Variants in PAXX observed in about 807,000 individuals in gnomAD.
PAXX encodes the protein protein PAXX.
PAXX carries 27 observed loss-of-function variants against 25.6 expected under a neutral mutation model. The observed-to-expected ratio is 1.06, with a 90% CI of 0.78 to 1.46. The LOEUF is 1.46. Ranked by LOEUF, PAXX falls within the 40% of genes most tolerant of loss-of-function variation. PAXX has a pLI of 0.00. For missense variants in PAXX, 295 were observed against 280.2 expected (o/e 1.05, Z -0.38); for synonymous variants, 126 against 125.7 (o/e 1.00, Z -0.02).
At position 136,992,936 on chromosome 9, in the gene PAXX, T is replaced by C; in HGVS notation, c.192T>C (p.Phe64=). The part of the protein sequence containing the change: ...PDSLAALKAR[F]GLSAAEDITP... ...CCTGTGCTCTCTAGAAAGCCCGTTTTGGCCTGAGTGCGGCTGAGGACATCA... is the reference window on the plus strand; with the variant it reads ...CCTGTGCTCTCTAGAAAGCCCGTTTCGGCCTGAGTGCGGCTGAGGACATCA... Residue 64 remains phenylalanine, a synonymous_variant, in exon 3 of 7, where the codon TTT becomes TTC. Coordinates refer to ENST00000371620, the MANE Select transcript of PAXX (RefSeq NM_183241.3). The C allele has an allele frequency of 6.2e-7, 1 of 1,613,576 alleles. No homozygotes were observed. The highest frequency in any genetic ancestry group is 1.1e-5 in the South Asian group (1 of 91,084).
intron 5 of PAXX, 60 bp from the exon 6 acceptor site, chr9:136,993,520 G>A (rs950859707): frequency 1.2e-6 from 2 of 1,605,822 alleles, no homozygotes; most frequent in South Asian, 2.2e-5. Context: ...TCTATTCGGA[G>A]AAGGTTGTGG....
chr9:136,993,587 T>A lies in PAXX; in HGVS notation c.498T>A (p.Asp166Glu). ...TGTCCTGTTTTCCCCCAGACCCAGA[T>A]CCCCAGAGAGGTGGCCCTGGACCTG... ...AGPQLFLPDP[D>E]PQRGGPGPGV... is the part of the protein sequence containing the mutation. Residue 166 changes from aspartate to glutamate, a missense_variant, in exon 6 of 7, where the codon GAT becomes GAA. Physicochemically the swap from Asp to Glu is conservative, Grantham distance 45 (BLOSUM62 2). Coordinates refer to ENST00000371620, the MANE Select transcript of PAXX (RefSeq NM_183241.3). The A allele has an allele frequency of 6.2e-7, 1 of 1,613,754 alleles. No individual in the cohort carries two copies. Among genetic ancestry groups the A allele is most frequent in the Non-Finnish European group, 8.5e-7 (1 of 1,179,922 alleles).
chr9:136,993,201 G>A lies in PAXX; in HGVS notation c.379G>A (p.Gly127Ser). 1.9e-6 allele frequency: 3 copies of A among 1,542,836 alleles called. No individual in the cohort carries two copies. The highest frequency in any genetic ancestry group is 1.2e-5 in the South Asian group (1 of 81,194). Residue 127 changes from glycine to serine, a missense_variant, in exon 4 of 7, where the codon GGC (glycine) becomes AGC (serine). Coordinates refer to ENST00000371620, the MANE Select transcript of PAXX (RefSeq NM_183241.3). Reference sequence around the variant, plus strand: ...CCCCAGGCTGCGGGCGCTGACACTGGGCCTGGCAAAACGCGTGTGGAGCCT... The same window carrying A: ...CCCCAGGCTGCGGGCGCTGACACTGAGCCTGGCAAAACGCGTGTGGAGCCT... ...AAPRLRALTL[G>S]LAKRVWSLER...
At chr9:136,993,434 T>A in intron 5 of PAXX, 23 bp downstream of exon 5, 1 of 1,602,570 alleles carries the variant, frequency 6.2e-7, no homozygotes, top group South Asian at 1.1e-5. Context: ...CGCCTGTGAC[T>A]CAAGTAGGGC....
Position 136,993,591 on chromosome 9 carries a change from C to A in PAXX, c.502C>A (p.Gln168Lys). 1.2e-6 allele frequency: 2 copies of A among 1,613,936 alleles called. No individual in the cohort carries two copies. Among genetic ancestry groups the A allele is most frequent in the Non-Finnish European group, 1.7e-6 (2 of 1,180,008 alleles). Residue 168 changes from glutamine (Q) to lysine (K), a missense_variant, in exon 6 of 7, where the codon CAG becomes AAG. Coordinates refer to ENST00000371620, the MANE Select transcript of PAXX (RefSeq NM_183241.3). ...CTGTTTTCCCCCAGACCCAGATCCC[C>A]AGAGAGGTGGCCCTGGACCTGGAGT... ...PQLFLPDPDP[Q>K]RGGPGPGVRR...
intron 5 of PAXX, 58 bp from the exon 6 acceptor site, chr9:136,993,522 A>G (rs1830637494): frequency 1.2e-6 from 2 of 1,605,470 alleles, no homozygotes. Context: ...TATTCGGAGA[A>G]GGTTGTGGTT....
In PAXX at chr9:136,993,110, G is replaced by A; in HGVS notation, c.288G>A (p.Leu96=). Residue 96 remains leucine (L), a synonymous_variant, in exon 4 of 7, where the codon CTG becomes CTA. Coordinates refer to ENST00000371620, the MANE Select transcript of PAXX (RefSeq NM_183241.3). Reference sequence around the variant, plus strand: ...CTCTGCAGGAGGACAGAGCATCCCTGACGCTTTCAGGGGGGCCCTCGGCAC... The same window carrying A: ...CTCTGCAGGAGGACAGAGCATCCCTAACGCTTTCAGGGGGGCCCTCGGCAC... ...ALTLQEDRAS[L]TLSGGPSALA... The A allele has an allele frequency of 6.2e-7, 1 of 1,605,714 alleles. No homozygotes were observed. Among genetic ancestry groups the A allele is most frequent in the Non-Finnish European group, 8.5e-7 (1 of 1,176,202 alleles).
At chr9:136,992,894 G>T (rs1466033102) in intron 2 of PAXX, 31 bp from the exon 3 acceptor site, 1 of 1,613,214 alleles carries the variant, frequency 6.2e-7, no homozygotes, top group Admixed American at 1.7e-5. Flanking sequence ...CGGGTTCCAG[G>T]CAGCTCGTGA....
Position 136,993,604 on chromosome 9 carries a change from C to G in PAXX, c.515C>G (p.Pro172Arg). ...GACCCAGATCCCCAGAGAGGTGGCC[C>G]TGGACCTGGAGTCAGGAGGCGGTGT... The part of the protein sequence containing the change: ...LPDPDPQRGG[P>R]GPGVRRRCPG... The change falls in exon 6 of 7, where the codon CCT becomes CGT. Residue 172 changes from proline to arginine, a missense_variant. By Grantham distance (103) the Pro-to-Arg change is moderately radical. Coordinates refer to ENST00000371620, the MANE Select transcript of PAXX (RefSeq NM_183241.3). 6.2e-7 allele frequency: 1 copy of G among 1,613,852 alleles called. No homozygotes were observed.
chr9:136,992,460 C>T lies in PAXX; in HGVS notation c.17C>T (p.Pro6Leu). Residue 6 changes from proline to leucine, a missense_variant, in exon 1 of 7, where the codon CCG becomes CTG. Physicochemically the swap from Pro to Leu is moderately conservative, Grantham distance 98. Transcript: ENST00000371620. MDPLS[P>L]PLCTLPPGPE... ...CCCGGCGCCATGGATCCGCTGTCGC[C>T]GCCGCTCTGCACGCTGCCGCCGGGC... 2 of 1,337,522 alleles carry T rather than the reference C, an allele frequency of 1.5e-6. No homozygotes were observed. The highest frequency in any genetic ancestry group is 1.9e-6 in the Non-Finnish European group (2 of 1,030,440). 82.9% of individuals were successfully genotyped at this position (1,337,522 alleles called of 1,614,324 possible).
At chr9:136,992,595 A>C (rs1194457231) in intron 1 of PAXX, 33 bp downstream of exon 1, 1 of 1,528,242 alleles carries the variant, frequency 6.5e-7, no homozygotes, top group Admixed American at 2.0e-5. Flanking sequence ...GTAGGGGTGC[A>C]GGGAGCTCCG....
At position 136,993,524 on chromosome 9, in the gene PAXX, G is replaced by A. The variant is rs930930498; in HGVS notation, c.491-56G>A. ...GAGAATGCCTATCTATTCGGAGAAG[G>A]TTGTGGTTGGGATGCTGCCAGGTTC... is the stretch of plus-strand genomic sequence containing the variant. On this transcript the variant is annotated intron_variant, in intron 5 of 6. Coordinates refer to ENST00000371620, the MANE Select transcript of PAXX (RefSeq NM_183241.3). 6.8e-6 allele frequency: 11 copies of A among 1,607,210 alleles called. No individual in the cohort carries two copies. The South Asian group carries it at 9.9e-5, about 14-fold the overall frequency.
rs1160078297 is a variant in PAXX at position 136,992,930 on chromosome 9, C to G, written c.186C>G (p.Ala62=). ...CAAGCCCCTGTGCTCTCTAGAAAGC[C>G]CGTTTTGGCCTGAGTGCGGCTGAGG... The part of the protein sequence containing the change: ...FTPDSLAALK[A]RFGLSAAEDI... The change falls in exon 3 of 7, where the codon GCC becomes GCG. Residue 62 remains alanine (A), a synonymous_variant. Coordinates refer to ENST00000371620, the MANE Select transcript of PAXX (RefSeq NM_183241.3). The G allele has an allele frequency of 6.2e-7, 1 of 1,613,436 alleles. No individual in the cohort carries two copies. The highest frequency in any genetic ancestry group is 1.3e-5 in the African/African-American group (1 of 74,904).
In PAXX at chr9:136,992,909, C is replaced by T; in HGVS notation, c.181-16C>T. 6.2e-7 allele frequency: 1 copy of T among 1,613,390 alleles called. No homozygotes were observed. Among genetic ancestry groups the T allele is most frequent in the Non-Finnish European group, 8.5e-7 (1 of 1,179,934 alleles). On this transcript the variant is annotated splice_polypyrimidine_tract_variant and intron_variant, in intron 2 of 6. Coordinates refer to ENST00000371620, the MANE Select transcript of PAXX (RefSeq NM_183241.3). The stretch of plus-strand genomic sequence containing the variant: ...CGGGTTCCAGGCAGCTCGTGACAAG[C>T]CCCTGTGCTCTCTAGAAAGCCCGTT...
At position 136,992,544 on chromosome 9, in the gene PAXX, G is replaced by A. The variant is rs1426706872; in HGVS notation, c.101G>A (p.Arg34His). 1.4e-6 allele frequency: 2 copies of A among 1,462,144 alleles called. No homozygotes were observed. Among genetic ancestry groups the A allele is most frequent in the Non-Finnish European group, 1.8e-6 (2 of 1,101,630 alleles). The allele number at this position is 1,462,144 out of a possible 1,614,324, so 90.6% of individuals were successfully genotyped here. ...GGGGAGGAAAGCGGGGAGGGGGACC[G>A]CGGCGGCTTCAACCTCTAGTGAGTG... ...CEGEESGEGD[R>H]GGFNLYVTDA... Residue 34 changes from arginine to histidine, a missense_variant, in exon 1 of 7, where the codon CGC becomes CAC. By Grantham distance (29) the Arg-to-His change is conservative. Coordinates refer to ENST00000371620, the MANE Select transcript of PAXX (RefSeq NM_183241.3).
rs374706919 is a variant in PAXX at position 136,993,131 on chromosome 9, G to T, written c.309G>T (p.Ser103=). The T allele has an allele frequency of 2.5e-6, 4 of 1,599,204 alleles. No homozygotes were observed. The highest frequency in any genetic ancestry group is 1.7e-5 in the Admixed American group (1 of 59,216). ...CCCTGACGCTTTCAGGGGGGCCCTC[G>T]GCACTGGCCTTTGACCTCTCCAAGG... ...RASLTLSGGP[S]ALAFDLSKVP... Residue 103 remains serine (S), a synonymous_variant, in exon 4 of 7, where the codon TCG becomes TCT. Transcript: ENST00000371620.
chr9:136,993,677 AG>A lies in PAXX; in HGVS notation c.575+14del. The A allele has an allele frequency of 6.2e-7, 1 of 1,613,676 alleles. No individual in the cohort carries two copies. Among genetic ancestry groups the A allele is most frequent in the Non-Finnish European group, 8.5e-7 (1 of 1,179,906 alleles). On this transcript the variant is annotated intron_variant, in intron 6 of 6. Transcript: ENST00000371620. ...CCGGGTTCAAGAGGTACCCTCCCAC[AG>A]CCCCCTTCCTGCGCCCAGGGTCCAA...
In PAXX at chr9:136,993,171, G is replaced by A. The variant is rs765396643; in HGVS notation, c.349G>A (p.Ala117Thr). 32 of 1,558,704 alleles carry A rather than the reference G, an allele frequency of 2.1e-5. No homozygotes were observed. The Admixed American group carries it at 6.2e-4, about 30-fold the overall frequency. The stretch of plus-strand genomic sequence containing the variant: ...CCTCTCCAAGGTACCAGGCCCAGAG[G>A]CAGCCCCCAGGCTGCGGGCGCTGAC... Reference protein sequence around the residue: ...FDLSKVPGPEAAPRLRALTLG... With the variant: ...FDLSKVPGPETAPRLRALTLG... The change falls in exon 4 of 7, where the codon GCA becomes ACA. Residue 117 changes from alanine to threonine, a missense_variant. Ala to Thr is a moderately conservative substitution (Grantham distance 58). Transcript: ENST00000371620.
chr9:136,993,623 G>GCGGT lies in PAXX; in HGVS notation c.535_538dup (p.Cys180SerfsTer15), dbSNP rs1231834815. 2 of 1,613,706 alleles carry GCGGT rather than the reference G, an allele frequency of 1.2e-6. No homozygotes were observed. The highest frequency in any genetic ancestry group is 3.3e-5 in the Admixed American group (2 of 60,006). On this transcript the variant is annotated frameshift_variant, in exon 6 of 7. Transcript: ENST00000371620. LOFTEE classifies it high-confidence loss of function. Reference sequence around the variant, plus strand: ...GTGGCCCTGGACCTGGAGTCAGGAGGCGGTGTCCAGGAGAGTCGCTCATCA... The same window carrying GCGGT: ...GTGGCCCTGGACCTGGAGTCAGGAGGCGGTCGGTGTCCAGGAGAGTCGCTCATCA...
Sources: allele counts gnomAD v4.1 joint callset, GRCh38; gene constraint gnomAD v4.1.1; transcripts MANE v1.5; gene names NCBI Gene and HGNC (gene_info 2026-07-23, HGNC 2026-07-21).